The following TBL1X variants were observed in gnomAD, a reference collection of about 807,000 sequenced individuals.
TBL1X encodes F-box-like/WD repeat-containing protein TBL1X.
TBL1X carries 10 observed loss-of-function variants against 50.7 expected under a neutral mutation model. That is an observed-to-expected ratio of 0.20 (90% CI 0.12 to 0.33). The LOEUF (loss-of-function observed/expected upper bound fraction) is 0.33, where lower values mean the gene tolerates loss of function less well. Among genes scored for constraint, TBL1X ranks in the 10% least tolerant of loss-of-function variants. The pLI is 1.00. For synonymous variants in TBL1X, 190 were observed against 214.7 expected, an observed-to-expected ratio of 0.88 and a Z score of 1.01; for missense variants, 340 against 504.4, an observed-to-expected ratio of 0.67 and a Z score of 3.12.
chrX:9,674,679 A>AGCG (rs1569094485), intron 5 of TBL1X, among the ~76,000 whole-genome samples: 1 of 1,053 alleles, frequency 9.5e-4, no homozygotes, highest in African/African-American at 3.7e-3. Flanking sequence ...CTCCCGCCTC[A>AGCG]GCCCCCCCCC....
chrX:9,692,776 G>T (rs143155776), intron 9 of TBL1X, among the ~76,000 whole-genome samples: 1 of 112,530 alleles, frequency 8.9e-6, no homozygotes, highest in Non-Finnish European at 1.9e-5. Flanking sequence ...TTCAGTAGCC[G>T]TATCTTTGCA....
chrX:9,655,715 G>T (rs755729314), intron 5 of TBL1X, among the ~76,000 whole-genome samples: 18 of 112,014 alleles, frequency 1.6e-4, no homozygotes, highest in Non-Finnish European at 3.0e-4. Context: ...CGTCCTCCCA[G>T]AGATGCATGT....
In TBL1X at chrX:9,709,799, C is replaced by T. The variant is rs553577901; in HGVS notation, c.1439+39C>T. 6.7e-6 allele frequency: 8 copies of T among 1,196,151 alleles called. No individual in the cohort carries two copies. The East Asian group carries it at 1.2e-4, about 18-fold the overall frequency. On this transcript the variant is annotated intron_variant, in intron 15 of 17. Coordinates refer to ENST00000645353, the MANE Select transcript of TBL1X (RefSeq NM_005647.4). ...ACACAGCTGGCACAGCTCGGTGTTA[C>T]ACAAAGACAACAGGAAATTCTGCTA...
At chrX:9,507,701 G>T (rs2082033251) in intron 2 of TBL1X, among the ~76,000 whole-genome samples, 1 of 111,826 alleles carries the variant, frequency 8.9e-6, no homozygotes, top group African/African-American at 3.3e-5. Flanking sequence ...ATACTACAAG[G>T]TTACATTAAC....
intron 14 of TBL1X, 27 bp from the exon 15 acceptor site, chrX:9,709,606 T>C: frequency 1.7e-6 from 2 of 1,206,136 alleles, no homozygotes; most frequent in Non-Finnish European, 2.2e-6. Flanking sequence ...TGGCTTTTGC[T>C]CATGTTGTGT....
At chrX:9,496,160 C>A (rs1235648454) in intron 1 of TBL1X, among the ~76,000 whole-genome samples, 1 of 112,095 alleles carries the variant, frequency 8.9e-6, no homozygotes, top group Admixed American at 9.4e-5. Flanking sequence ...GGAAAGCGTG[C>A]GGTGAGGAGG....
intron 1 of TBL1X, among the ~76,000 whole-genome samples, chrX:9,478,505 C>T (rs776008833): frequency 1.8e-5 from 2 of 111,925 alleles, no homozygotes; most frequent in Non-Finnish European, 3.8e-5. Flanking sequence ...TATTCTTGGG[C>T]TATTGGGCCA....
chrX:9,632,500 C>G (rs1444221343), intron 2 of TBL1X, among the ~76,000 whole-genome samples: 2 of 111,275 alleles, frequency 1.8e-5, no homozygotes, highest in Admixed American at 1.9e-4. Flanking sequence ...CCAGGCTGGT[C>G]TCGGACTCCT....
intron 2 of TBL1X, among the ~76,000 whole-genome samples, chrX:9,506,183 A>G (rs181157102): frequency 2.7e-5 from 3 of 112,189 alleles, no homozygotes; most frequent in East Asian, 5.6e-4. Context: ...AAATTGAACA[A>G]CTTGCTCCTG....
In TBL1X at chrX:9,698,128, C is replaced by T. The variant is rs191926095; in HGVS notation, c.1114+699C>T. On this transcript the variant is annotated intron_variant, in intron 12 of 17. Transcript: ENST00000645353. The stretch of plus-strand genomic sequence containing the variant: ...TGCGCCGAGTATGGAGCCCAGGAGG[C>T]CTCATTGGTCAGAAGGAGACCCATT... 2.5e-4 allele frequency among the ~76,000 whole-genome samples: 28 copies of T among 111,172 alleles called. No homozygotes were observed. The East Asian group carries it at 7.7e-3, about 31-fold the overall frequency.
intron 1 of TBL1X, among the ~76,000 whole-genome samples, chrX:9,495,452 G>A (rs1465397932): frequency 9.1e-6 from 1 of 110,407 alleles, no homozygotes; most frequent in East Asian, 2.9e-4. Flanking sequence ...TGTTGTACAC[G>A]CATACACTTG....
intron 2 of TBL1X, among the ~76,000 whole-genome samples, chrX:9,591,841 G>A (rs1033243742): frequency 8.9e-6 from 1 of 112,156 alleles, no homozygotes; most frequent in African/African-American, 3.2e-5. Context: ...TTTCCCCTGG[G>A]CAGTAGGGGC....
chrX:9,486,326 TGG>T (rs1323644776), intron 1 of TBL1X, among the ~76,000 whole-genome samples: 1 of 109,207 alleles, frequency 9.2e-6, no homozygotes, highest in Non-Finnish European at 1.9e-5. Flanking sequence ...CTTGACCTCC[TGG>T]GCTCAAGCGA....
At chrX:9,491,334 A>ATTTTT (rs1403355557) in intron 1 of TBL1X, among the ~76,000 whole-genome samples, 4 of 23,383 alleles carry the variant, frequency 1.7e-4, no homozygotes, top group African/African-American at 7.4e-4. Context: ...ATATATATAT[A>ATTTTT]TATATTTTTT....
At chrX:9,663,760 CAA>C (rs57927750) in intron 5 of TBL1X, among the ~76,000 whole-genome samples, 3,556 of 39,203 alleles carry the variant, frequency 0.091, 228 homozygotes, top group African/African-American at 0.25. Context: ...GATTCTGTCT[CAA>C]AAAAAAAAAA....
intron 1 of TBL1X, among the ~76,000 whole-genome samples, chrX:9,487,746 G>A (rs190045649): frequency 9.0e-6 from 1 of 111,267 alleles, no homozygotes; most frequent in Non-Finnish European, 1.9e-5. Context: ...AACAATTTTC[G>A]TCAGCTAGAG....
intron 2 of TBL1X, among the ~76,000 whole-genome samples, chrX:9,584,451 A>AT (rs777181571): frequency 8.9e-6 from 1 of 112,427 alleles, no homozygotes; most frequent in African/African-American, 3.2e-5. Context: ...GTAGAGTTTA[A>AT]TACAAGTTCT....
chrX:9,716,028 G>A (rs755945925), intron 17 of TBL1X, among the ~76,000 whole-genome samples, 192 bp from the exon 18 acceptor site: 1 of 111,992 alleles, frequency 8.9e-6, no homozygotes, highest in Non-Finnish European at 1.9e-5. Flanking sequence ...CAGTTTGCTC[G>A]GTCCGATGTC....
At chrX:9,519,614 TCAA>T (rs1166521958) in intron 2 of TBL1X, among the ~76,000 whole-genome samples, 1 of 112,140 alleles carries the variant, frequency 8.9e-6, no homozygotes, top group Non-Finnish European at 1.9e-5. Context: ...ATTTCTTCTC[TCAA>T]CATGTTTTCT....
Sources: allele counts gnomAD v4.1 joint callset (sites outside exome capture counted in the v4.1 genomes callset), GRCh38; gene constraint gnomAD v4.1.1; transcripts MANE v1.5; gene names NCBI Gene and HGNC (gene_info 2026-07-23, HGNC 2026-07-21).